Variants in RSF1 observed in about 807,000 individuals in gnomAD.
RSF1 encodes remodeling and spacing factor 1.
Under a neutral mutation model 145.2 loss-of-function variants are expected in RSF1, and 13 were observed. The ratio of observed to expected loss-of-function variants is 0.09; its 90% CI spans 0.06 to 0.14. The LOEUF (loss-of-function observed/expected upper bound fraction) is 0.14. Ranked by LOEUF, RSF1 falls within the 10% of genes least tolerant of loss-of-function variation. The probability of loss-of-function intolerance (pLI) is 1.00; values close to 1 mark genes in which losing one functional copy is unlikely to be tolerated. For synonymous variants in RSF1, 577 were observed against 592.6 expected (o/e 0.97, Z 0.38); for missense variants, 1,517 against 1,718.2 (o/e 0.88, Z 2.07).
In RSF1 at chr11:77,663,880, C is replaced by T. The variant is rs1003827408; in HGVS notation, c.*3037G>A. 3.3e-5 allele frequency: 5 copies of T among 152,122 alleles called. No homozygotes were observed. The highest frequency in any genetic ancestry group is 4.8e-5 in the African/African-American group (2 of 41,414). The allele number at this position is 152,122 out of a possible 1,614,324, so 9.4% of individuals were successfully genotyped here. A position where few individuals can be genotyped will look rare whatever the true frequency, so the allele number is the denominator to read the frequency against. ...CTCCCTTTAATACATTAGCTACAGT[C>T]TAGAGTTTGACACTGGGAGTCCAAC... On this transcript the variant is annotated 3_prime_UTR_variant, in exon 16 of 16. Coordinates refer to ENST00000308488, the MANE Select transcript of RSF1 (RefSeq NM_016578.4).
chr11:77,696,348 T>A (rs1420273319), intron 7 of RSF1, among the ~76,000 whole-genome samples: 1 of 152,206 alleles, frequency 6.6e-6, no homozygotes, highest in Non-Finnish European at 1.5e-5. Flanking sequence ...CTATATTCAT[T>A]TATACATTTA....
intron 1 of RSF1, among the ~76,000 whole-genome samples, chr11:77,770,181 G>A (rs1410874784): frequency 6.6e-6 from 1 of 152,224 alleles, no homozygotes; most frequent in Non-Finnish European, 1.5e-5. Context: ...AGTACAGAGA[G>A]GCTGGGTGTG....
At position 77,811,751 on chromosome 11, in the gene RSF1, C is replaced by T. The variant is rs532308810; in HGVS notation, c.187+8777G>A. ...AAGGTTGAATATAAAAGGGGATAAA[C>T]AGACTCAATATAACTTGGTATCAAA... On this transcript the variant is annotated intron_variant, in intron 1 of 15. Transcript: ENST00000308488. 6.6e-5 allele frequency among the ~76,000 whole-genome samples: 10 copies of T among 152,312 alleles called. No individual in the cohort carries two copies. In the South Asian group the frequency reaches 2.1e-3, roughly 32 times the overall value.
Position 77,747,059 on chromosome 11 carries a change from C to G in RSF1, c.349G>C (p.Glu117Gln). The G allele has an allele frequency of 6.2e-7, 1 of 1,605,478 alleles. No homozygotes were observed. Among genetic ancestry groups the G allele is most frequent in the Non-Finnish European group, 8.5e-7 (1 of 1,172,506 alleles). The change falls in exon 3 of 16, where the codon GAA becomes CAA. Residue 117 changes from glutamate (E) to glutamine (Q), a missense_variant. Transcript: ENST00000308488. Reference protein sequence around the residue: ...EKKGYLEMSVECKLALLKYLC... With the variant: ...EKKGYLEMSVQCKLALLKYLC... ...ACCTTTAAGAGTGCTAGTTTGCATT[C>G]AACACTCATTTCAAGATAGCCCTTC...
chr11:77,803,101 T>C (rs1948642421), intron 1 of RSF1, among the ~76,000 whole-genome samples: 1 of 152,172 alleles, frequency 6.6e-6, no homozygotes, highest in African/African-American at 2.4e-5. Context: ...AGGGGCTTTA[T>C]GCCACGTAGT....
chr11:77,707,349 C>T (rs1259954571), intron 5 of RSF1, among the ~76,000 whole-genome samples: 1 of 152,090 alleles, frequency 6.6e-6, no homozygotes, highest in African/African-American at 2.4e-5. Flanking sequence ...GACTGTAAAG[C>T]AATATTTAAT....
At chr11:77,809,878 T>C (rs1948713576) in intron 1 of RSF1, among the ~76,000 whole-genome samples, 1 of 152,220 alleles carries the variant, frequency 6.6e-6, no homozygotes, top group South Asian at 2.1e-4. Flanking sequence ...TTTTAACATC[T>C]AAACATTGAA....
chr11:77,863,073 G>A, the RSF1 span, among the ~76,000 whole-genome samples: 1 of 152,118 alleles, frequency 6.6e-6, no homozygotes, highest in East Asian at 1.9e-4. Flanking sequence ...TCTGACCAAG[G>A]GTGCTTGGCC....
At chr11:77,738,505 A>T (rs1409190504) in intron 4 of RSF1, among the ~76,000 whole-genome samples, 1 of 152,218 alleles carries the variant, frequency 6.6e-6, no homozygotes, top group African/African-American at 2.4e-5. Flanking sequence ...TTAAGCATTT[A>T]CACATTTTGT....
rs1297822741 is a variant in RSF1 at position 77,666,633 on chromosome 11, T to C, written c.*284A>G. On this transcript the variant is annotated 3_prime_UTR_variant, in exon 16 of 16. Coordinates refer to ENST00000308488, the MANE Select transcript of RSF1 (RefSeq NM_016578.4). Reference sequence around the variant, plus strand: ...CTCAGGAAATATAAAGTCAAAAATATACAAATCTTTGTTGTTATTATAATA... The same window carrying C: ...CTCAGGAAATATAAAGTCAAAAATACACAAATCTTTGTTGTTATTATAATA... 3 of 241,178 alleles carry C rather than the reference T, an allele frequency of 1.2e-5. No homozygotes were observed. 14.9% of individuals were successfully genotyped at this position (241,178 alleles called of 1,614,324 possible).
At chr11:77,672,721 C>A (rs74599701) in intron 14 of RSF1, among the ~76,000 whole-genome samples, 88 of 152,248 alleles carry the variant, frequency 5.8e-4, no homozygotes, top group Non-Finnish European at 1.1e-3. Context: ...CTCACTATGT[C>A]GCCCAGGCTG....
rs1959229292 is a variant in RSF1 at position 77,661,290 on chromosome 11, AAAGAG to A, written c.*5622_*5626del. On this transcript the variant is annotated 3_prime_UTR_variant, in exon 16 of 16. Transcript: ENST00000308488. ...GATACCATCTCAAGAAGCTACTTTG[AAAGAG>A]AATAGAACACCAGACTAACATTGAG... 1 of 152,158 alleles carries A rather than the reference AAAGAG, an allele frequency of 6.6e-6. No homozygotes were observed. The allele number at this position is 152,158 out of a possible 1,614,324, so 9.4% of individuals were successfully genotyped here.
intron 2 of RSF1, among the ~76,000 whole-genome samples, chr11:77,747,365 T>C (rs1323258586): frequency 6.6e-6 from 1 of 152,240 alleles, no homozygotes; most frequent in Non-Finnish European, 1.5e-5. Flanking sequence ...TCCTCTGCTA[T>C]CAAGAACTTT....
At position 77,701,928 on chromosome 11, in the gene RSF1, A is replaced by G. The variant is rs373373347; in HGVS notation, c.1301T>C (p.Leu434Ser). 2 of 1,613,620 alleles carry G rather than the reference A, an allele frequency of 1.2e-6. No individual in the cohort carries two copies. The highest frequency in any genetic ancestry group is 2.7e-5 in the African/African-American group (2 of 74,872). Residue 434 changes from leucine (L) to serine (S), a missense_variant, in exon 6 of 16, where the codon TTG becomes TCG. By Grantham distance (145) the Leu-to-Ser change is moderately radical. This residue lies in a region of RSF1 where 579 missense variants were observed against 553.5 expected (regional missense o/e 1.05). Transcript: ENST00000308488. ...TCKRISTITALGHEGKQLVNG... is the reference protein window; with the variant it reads ...TCKRISTITASGHEGKQLVNG... ...TACCAGCTGTTTCCCTTCATGACCC[A>G]AAGCAGTGATTGTAGAGATCCTTTT... is the stretch of plus-strand genomic sequence containing the variant.
intron 7 of RSF1, among the ~76,000 whole-genome samples, chr11:77,696,818 T>G (rs1960288880): frequency 6.6e-6 from 1 of 152,232 alleles, no homozygotes; most frequent in Admixed American, 6.5e-5. Flanking sequence ...CTTCTCAGCA[T>G]AATTTCAACA....
At chr11:77,835,780 G>T in the RSF1 span, among the ~76,000 whole-genome samples, 1 of 152,200 alleles carries the variant, frequency 6.6e-6, no homozygotes, top group East Asian at 1.9e-4. Flanking sequence ...AATTAACCAG[G>T]CGTGGTGGCA....
At chr11:77,858,877 G>A in the RSF1 span, among the ~76,000 whole-genome samples, 1 of 152,182 alleles carries the variant, frequency 6.6e-6, no homozygotes, top group Non-Finnish European at 1.5e-5. Context: ...CTTCGATTCT[G>A]GAAGAGATAA....
rs1291446806 is a variant in RSF1, at chr11:77,702,287, G to C, written c.942C>G (p.Ser314=). 2 of 1,609,400 alleles carry C rather than the reference G, an allele frequency of 1.2e-6. No individual in the cohort carries two copies. Among genetic ancestry groups the C allele is most frequent in the Non-Finnish European group, 1.7e-6 (2 of 1,178,932 alleles). Residue 314 remains serine (S), a synonymous_variant, in exon 6 of 16, where the codon TCC becomes TCG. Transcript: ENST00000308488. ...EKKIIKEESD[S]FKENVKPIKV... ...TAATGGGTTTGACATTTTCCTTGAA[G>C]GAATCACTTTCTTCTTTGATAATCT... is the stretch of plus-strand genomic sequence containing the variant.
intron 2 of RSF1, chr11:77,763,347 A>C (rs1207052924): frequency 4.0e-5 from 6 of 151,792 alleles, no homozygotes; most frequent in Non-Finnish European, 7.4e-5. Flanking sequence ...CTTTAAAAAA[A>C]AAAAAAAAAA....
Sources: gnomAD v4.1 joint callset for allele counts (sites outside exome capture counted in the v4.1 genomes callset) on GRCh38, gnomAD v4.1.1 for gene constraint, gnomAD v4.1.1 regional missense constraint, MANE v1.5 for transcripts, NCBI Gene and HGNC (gene_info 2026-07-23, HGNC 2026-07-21) for gene names.